Variants in HTR1F observed in about 807,000 individuals in gnomAD.
The protein encoded by HTR1F is 5-hydroxytryptamine (serotonin) receptor 1F, G protein-coupled.
A neutral mutation model predicts 24.0 loss-of-function variants in HTR1F; 17 were observed. That is an observed-to-expected ratio of 0.71 (90% CI 0.48 to 1.06). The LOEUF (loss-of-function observed/expected upper bound fraction) is 1.06. Among genes scored for constraint, HTR1F ranks in the 50% least tolerant of loss-of-function variants. The probability of loss-of-function intolerance (pLI) is 0.00; values close to 1 mark genes in which losing one functional copy is unlikely to be tolerated. For synonymous variants in HTR1F, 186 were observed against 156.8 expected (o/e 1.19, Z -1.39); for missense variants, 391 against 427.8 (o/e 0.91, Z 0.76).
At chr3:87,929,494 T>A (rs1704208173) in intron 2 of HTR1F, among the ~76,000 whole-genome samples, 1 of 152,078 alleles carries the variant, frequency 6.6e-6, no homozygotes, top group African/African-American at 2.4e-5. Flanking sequence ...AGGATATAAT[T>A]TATAGATTCA....
intron 2 of HTR1F, among the ~76,000 whole-genome samples, chr3:87,835,360 A>G (rs1704662673): frequency 6.6e-6 from 1 of 151,484 alleles, no homozygotes; most frequent in East Asian, 1.9e-4. Flanking sequence ...TAAAATGACT[A>G]AGAATCTCAA....
chr3:87,872,486 G>A (rs1705579648), intron 2 of HTR1F, among the ~76,000 whole-genome samples: 1 of 151,974 alleles, frequency 6.6e-6, no homozygotes, highest in Non-Finnish European at 1.5e-5. Context: ...AGAACTAAGA[G>A]TTGGATTCTT....
At chr3:87,826,837 G>A (rs140306300) in intron 2 of HTR1F, among the ~76,000 whole-genome samples, 2,890 of 152,068 alleles carry the variant, frequency 0.019, 97 homozygotes, top group African/African-American at 0.066. Flanking sequence ...TGGGGACAGG[G>A]TCTCACTCTG....
intron 2 of HTR1F, among the ~76,000 whole-genome samples, chr3:87,913,661 CA>C (rs200355436): frequency 6.6e-6 from 1 of 151,608 alleles, no homozygotes; most frequent in African/African-American, 2.4e-5. Flanking sequence ...TTCACAATAA[CA>C]AAAAAAATGG....
chr3:87,809,692 G>T (rs1469923298), intron 1 of HTR1F, among the ~76,000 whole-genome samples: 1 of 151,820 alleles, frequency 6.6e-6, no homozygotes, highest in Non-Finnish European at 1.5e-5. Context: ...AATCACATTT[G>T]TCTATCTTCC....
In HTR1F at chr3:87,991,736, C is replaced by T. The variant is rs1705838478; in HGVS notation, c.987C>T (p.Ser329=). 6.2e-7 allele frequency: 1 copy of T among 1,613,582 alleles called. No homozygotes were observed. Among genetic ancestry groups the T allele is most frequent in the Non-Finnish European group, 8.5e-7 (1 of 1,179,778 alleles). The part of the protein sequence containing the change: ...CDKCKISEEM[S]NFLAWLGYLN... ...AATGTAAAATTTCTGAAGAAATGTC[C>T]AATTTTTTGGCATGGCTTGGGTATC... Residue 329 remains serine (S), a synonymous_variant, in exon 3 of 3, where the codon TCC becomes TCT. Transcript: ENST00000319595.
At chr3:87,946,167 C>T (rs1324235253) in intron 2 of HTR1F, among the ~76,000 whole-genome samples, 6 of 152,186 alleles carry the variant, frequency 3.9e-5, no homozygotes, top group South Asian at 2.1e-4. Flanking sequence ...ATGGGCGCAT[C>T]GCTGGATCAG....
At position 87,849,903 on chromosome 3, in the gene HTR1F, A is replaced by G. The variant is rs1395551537; in HGVS notation, c.-43+27779A>G. Among the ~76,000 whole-genome samples, 3 of 151,950 alleles carry G rather than the reference A, an allele frequency of 2.0e-5. No homozygotes were observed. In the East Asian group the frequency reaches 5.8e-4, roughly 29 times the overall value. ...CAGAGAAATGTAAATCAAAACCACA[A>G]TGAGATACCATCTCACACCAGTTAG... is the stretch of plus-strand genomic sequence containing the variant. On this transcript the variant is annotated intron_variant, in intron 2 of 2. Coordinates refer to ENST00000319595, the MANE Select transcript of HTR1F (RefSeq NM_001322209.2).
intron 2 of HTR1F, among the ~76,000 whole-genome samples, chr3:87,985,444 T>C (rs760780924): frequency 6.6e-6 from 1 of 152,168 alleles, no homozygotes; most frequent in African/African-American, 2.4e-5. Context: ...GTTAAAAGAA[T>C]AGATTTGTTC....
chr3:87,887,932 C>T (rs546285390), intron 2 of HTR1F, among the ~76,000 whole-genome samples: 1 of 152,192 alleles, frequency 6.6e-6, no homozygotes, highest in South Asian at 2.1e-4. Context: ...GGATCTAGAA[C>T]TAGAAATACC....
At chr3:87,832,705 T>G (rs2107156845) in intron 2 of HTR1F, among the ~76,000 whole-genome samples, 1 of 152,342 alleles carries the variant, frequency 6.6e-6, no homozygotes, top group African/African-American at 2.4e-5. Flanking sequence ...ACCAAAACTT[T>G]GGCCTCTTGG....
intron 2 of HTR1F, among the ~76,000 whole-genome samples, chr3:87,873,800 C>T (rs761144298): frequency 5.3e-5 from 8 of 151,936 alleles, no homozygotes; most frequent in African/African-American, 1.9e-4. Flanking sequence ...TGTGATACAC[C>T]GTTAAAAGGC....
intron 1 of HTR1F, among the ~76,000 whole-genome samples, chr3:87,806,524 C>T (rs1024744151): frequency 1.3e-5 from 2 of 151,762 alleles, no homozygotes; most frequent in African/African-American, 4.8e-5. Context: ...TTTATTTTTT[C>T]TGTTGAGTTC....
intron 2 of HTR1F, among the ~76,000 whole-genome samples, chr3:87,873,491 A>G (rs1705605353): frequency 6.6e-6 from 1 of 152,198 alleles, no homozygotes; most frequent in Admixed American, 6.6e-5. Flanking sequence ...GTATTAGATG[A>G]TGCCCACCTC....
intron 2 of HTR1F, among the ~76,000 whole-genome samples, chr3:87,894,506 A>C (rs1420192068): frequency 1.3e-5 from 2 of 148,790 alleles, no homozygotes; most frequent in Non-Finnish European, 3.0e-5. Context: ...GATCTGCCCA[A>C]CTTGGCCTCC....
chr3:87,862,807 C>G (rs777080109), intron 2 of HTR1F, among the ~76,000 whole-genome samples: 3 of 151,212 alleles, frequency 2.0e-5, no homozygotes, highest in Admixed American at 6.6e-5. Context: ...TGTACTTACT[C>G]TTTTTTTTTC....
At chr3:87,813,484 G>A (rs1317433306) in intron 1 of HTR1F, among the ~76,000 whole-genome samples, 2 of 152,188 alleles carry the variant, frequency 1.3e-5, no homozygotes, top group Non-Finnish European at 2.9e-5. Flanking sequence ...CTTGTCTCAG[G>A]TGAGACTTTG....
chr3:87,922,984 A>C (rs947400529), intron 2 of HTR1F, among the ~76,000 whole-genome samples: 2 of 150,548 alleles, frequency 1.3e-5, no homozygotes, highest in African/African-American at 4.9e-5. Flanking sequence ...ATTCTTCTTC[A>C]TGTGGATATC....
chr3:87,956,865 T>C (rs1267765120), intron 2 of HTR1F, among the ~76,000 whole-genome samples: 3 of 151,486 alleles, frequency 2.0e-5, no homozygotes, highest in African/African-American at 7.2e-5. Context: ...TAGTTGATTT[T>C]TAGATTCCTG....
Sources: allele counts gnomAD v4.1 joint callset (sites outside exome capture counted in the v4.1 genomes callset), GRCh38; gene constraint gnomAD v4.1.1; transcripts MANE v1.5; gene names NCBI Gene and HGNC (gene_info 2026-07-23, HGNC 2026-07-21).